Variants in GRIK2 observed in about 807,000 individuals in gnomAD.
GRIK2 encodes the protein glutamate receptor ionotropic, kainate 2.
GRIK2 carries 32 observed loss-of-function variants against 100.3 expected under a neutral mutation model. The observed-to-expected ratio is 0.32, with a 90% CI of 0.24 to 0.43. The LOEUF (loss-of-function observed/expected upper bound fraction) is 0.43, where lower values mean the gene tolerates loss of function less well. Ranked by LOEUF, GRIK2 falls within the 20% of genes least tolerant of loss-of-function variation. The pLI, the probability that GRIK2 is intolerant of heterozygous loss-of-function variation, is 1.00. For synonymous variants in GRIK2, 417 were observed against 389.4 expected (o/e 1.07, Z -0.83); for missense variants, 843 against 1,114.9 (o/e 0.76, Z 3.47).
intron 12 of GRIK2, among the ~76,000 whole-genome samples, chr6:101,910,195 T>C (rs2128465198): frequency 6.6e-6 from 1 of 151,320 alleles, no homozygotes; most frequent in Non-Finnish European, 1.5e-5. Context: ...TATAATCAAA[T>C]GCATAAACAT....
intron 2 of GRIK2, among the ~76,000 whole-genome samples, chr6:101,452,816 G>A (rs1301878387): frequency 2.6e-5 from 4 of 151,844 alleles, no homozygotes; most frequent in Admixed American, 6.6e-5. Context: ...GGTTAAGGGA[G>A]TAGTGAAGCA....
chr6:101,815,951 C>T (rs748296392), intron 9 of GRIK2, among the ~76,000 whole-genome samples: 3 of 152,062 alleles, frequency 2.0e-5, no homozygotes, highest in Non-Finnish European at 4.4e-5. Context: ...TAATATTCAT[C>T]TGTGTCAGAA....
chr6:102,008,691 G>C (rs2114302188), intron 14 of GRIK2, among the ~76,000 whole-genome samples: 1 of 152,152 alleles, frequency 6.6e-6, no homozygotes, highest in Middle Eastern at 3.4e-3. Context: ...GTATTTATCT[G>C]ATCGAAATAA....
chr6:101,758,758 C>T (rs956369654), intron 7 of GRIK2, among the ~76,000 whole-genome samples: 10 of 152,190 alleles, frequency 6.6e-5, no homozygotes, highest in East Asian at 3.9e-4. Flanking sequence ...GATTTTATTA[C>T]GTGATAAACT....
At chr6:101,785,720 C>A (rs1437818634) in intron 7 of GRIK2, among the ~76,000 whole-genome samples, 2 of 152,050 alleles carry the variant, frequency 1.3e-5, no homozygotes, top group Non-Finnish European at 2.9e-5. Flanking sequence ...GTTATTATAG[C>A]CTTGTAACAC....
intron 12 of GRIK2, among the ~76,000 whole-genome samples, chr6:101,890,729 C>A (rs1473608418): frequency 1.3e-5 from 2 of 151,480 alleles, no homozygotes; most frequent in East Asian, 3.9e-4. Context: ...TTTATGCCTA[C>A]CTCACTATCA....
At chr6:101,824,260 T>G (rs1782167642) in intron 10 of GRIK2, among the ~76,000 whole-genome samples, 1 of 152,056 alleles carries the variant, frequency 6.6e-6, no homozygotes, top group South Asian at 2.1e-4. Context: ...CGTACCCAAT[T>G]TTGCAGTCTT....
intron 14 of GRIK2, among the ~76,000 whole-genome samples, chr6:101,969,919 T>C (rs1005020446): frequency 2.0e-5 from 3 of 152,028 alleles, no homozygotes; most frequent in African/African-American, 4.8e-5. Context: ...CTTCAATTTA[T>C]TATATGGCTT....
At chr6:102,057,924 CA>C (rs1236109686) in intron 16 of GRIK2, among the ~76,000 whole-genome samples, 1 of 151,722 alleles carries the variant, frequency 6.6e-6, no homozygotes, top group Non-Finnish European at 1.5e-5. Context: ...TTTCCCTAAT[CA>C]AAAGGTATAA....
At chr6:101,783,522 T>G (rs1322446537) in intron 7 of GRIK2, among the ~76,000 whole-genome samples, 1 of 152,162 alleles carries the variant, frequency 6.6e-6, no homozygotes, top group Non-Finnish European at 1.5e-5. Flanking sequence ...GTACTGAAAG[T>G]GGGGTAATGC....
intron 2 of GRIK2, among the ~76,000 whole-genome samples, chr6:101,482,254 G>T (rs1247430173): frequency 6.6e-6 from 1 of 152,084 alleles, no homozygotes; most frequent in Admixed American, 6.5e-5. Context: ...ACCTACTATT[G>T]TCAGGTTTAT....
At chr6:102,011,078 G>C (rs1795507144) in intron 14 of GRIK2, among the ~76,000 whole-genome samples, 1 of 152,128 alleles carries the variant, frequency 6.6e-6, no homozygotes, top group African/African-American at 2.4e-5. Flanking sequence ...GATTATATGA[G>C]AAGAGTAAGT....
At chr6:101,958,694 GT>G (rs1562511348) in intron 14 of GRIK2, among the ~76,000 whole-genome samples, 1 of 151,976 alleles carries the variant, frequency 6.6e-6, no homozygotes, top group African/African-American at 2.4e-5. Context: ...TTTTAGGTAA[GT>G]TTATATGATA....
intron 15 of GRIK2, among the ~76,000 whole-genome samples, chr6:102,043,328 ACT>A (rs972655843): frequency 8.6e-5 from 13 of 151,816 alleles, no homozygotes; most frequent in African/African-American, 3.1e-4. Context: ...TGTACAGTAC[ACT>A]GTTACTAATT....
At chr6:101,654,813 A>T (rs1445881626) in intron 4 of GRIK2, among the ~76,000 whole-genome samples, 3 of 151,042 alleles carry the variant, frequency 2.0e-5, no homozygotes, top group Non-Finnish European at 4.4e-5. Flanking sequence ...TGCTCAACCC[A>T]CTCTCCTATC....
At chr6:101,702,560 T>C (rs975028827) in intron 7 of GRIK2, among the ~76,000 whole-genome samples, 4 of 151,976 alleles carry the variant, frequency 2.6e-5, no homozygotes, top group Admixed American at 1.3e-4. Flanking sequence ...TAAGTTAATT[T>C]AACATTTATT....
At chr6:102,025,854 GA>G (rs941924247) in intron 14 of GRIK2, among the ~76,000 whole-genome samples, 2 of 150,844 alleles carry the variant, frequency 1.3e-5, no homozygotes, top group Non-Finnish European at 3.0e-5. Flanking sequence ...ATGATTGAAT[GA>G]ATAATCTAGT....
chr6:101,732,016 G>A (rs954152311), intron 7 of GRIK2, among the ~76,000 whole-genome samples: 3 of 151,858 alleles, frequency 2.0e-5, no homozygotes, highest in Non-Finnish European at 2.9e-5. Context: ...AGTGAACAGC[G>A]TATCTTGAAC....
chr6:101,692,003 G>A (rs1772133151), intron 7 of GRIK2, among the ~76,000 whole-genome samples: 1 of 133,598 alleles, frequency 7.5e-6, no homozygotes, highest in Non-Finnish European at 1.5e-5. Flanking sequence ...AGTGAACAGT[G>A]TTCACCCAGC....
Sources: allele counts gnomAD v4.1 joint callset (sites outside exome capture counted in the v4.1 genomes callset), GRCh38; gene constraint gnomAD v4.1.1; transcripts MANE v1.5; gene names NCBI Gene and HGNC (gene_info 2026-07-23, HGNC 2026-07-21).